Variants in TRAPPC3 observed in about 807,000 individuals in gnomAD.
The protein encoded by TRAPPC3 is trafficking protein particle complex 3.
TRAPPC3 carries 5 observed loss-of-function variants against 18.2 expected under a neutral mutation model. That is an observed-to-expected ratio of 0.28 (90% CI 0.14 to 0.58). The LOEUF is 0.58. Ranked by LOEUF, TRAPPC3 falls within the 20% of genes least tolerant of loss-of-function variation. TRAPPC3 has a pLI of 0.91. For synonymous variants in TRAPPC3, 65 were observed against 84.2 expected (o/e 0.77, Z 1.25); for missense variants, 176 against 225.9 (o/e 0.78, Z 1.41).
chr1:36,143,815 T>A (rs553338357), intron 1 of TRAPPC3, among the ~76,000 whole-genome samples: 152 of 152,360 alleles, frequency 1.0e-3, no homozygotes, highest in African/African-American at 3.6e-3. Context: ...CACTGCTTAA[T>A]CTTCCTGAAC....
At position 36,143,272 on chromosome 1, in the gene TRAPPC3, A is replaced by C. The variant is rs144214036; in HGVS notation, c.43-3106T>G. 2.0e-4 allele frequency among the ~76,000 whole-genome samples: 31 copies of C among 152,246 alleles called. No individual in the cohort carries two copies. The East Asian group carries it at 3.3e-3, about 16-fold the overall frequency. ...GTGTGTTGGGGGGGTGGTTAATTTT[A>C]ATCGAATAATCAGGGAAGGCCTCAC... On this transcript the variant is annotated intron_variant, in intron 1 of 4. Transcript: ENST00000373166.
intron 1 of TRAPPC3, among the ~76,000 whole-genome samples, chr1:36,145,149 G>A (rs555051741): frequency 1.3e-3 from 200 of 151,974 alleles, no homozygotes; most frequent in African/African-American, 4.5e-3. Flanking sequence ...GGCCTCCCGA[G>A]TAGCTGGGAC....
intron 3 of TRAPPC3, among the ~76,000 whole-genome samples, chr1:36,138,933 G>C (rs1471345121): frequency 6.6e-6 from 1 of 151,398 alleles, no homozygotes; most frequent in Admixed American, 6.6e-5. Context: ...CTACTCGGGA[G>C]GCTGAGGCAG....
intron 1 of TRAPPC3, chr1:36,149,060 G>C: frequency 2.3e-6 from 3 of 1,281,966 alleles, no homozygotes; most frequent in South Asian, 1.6e-5. Flanking sequence ...TAGTAAGAGA[G>C]AAGTTAAGTG....
chr1:36,152,675 G>A (rs1398890882), upstream of TRAPPC3, among the ~76,000 whole-genome samples: 1 of 150,932 alleles, frequency 6.6e-6, no homozygotes, highest in Non-Finnish European at 1.5e-5. Context: ...TCTTTTTTTA[G>A]ACAGGGTCTC....
chr1:36,145,237 G>A (rs1644176134), intron 1 of TRAPPC3, among the ~76,000 whole-genome samples: 1 of 151,448 alleles, frequency 6.6e-6, no homozygotes, highest in African/African-American at 2.4e-5. Flanking sequence ...CACCGTGTTA[G>A]CCAGGATGGT....
chr1:36,146,849 A>G (rs1570100981), intron 1 of TRAPPC3, among the ~76,000 whole-genome samples: 2 of 152,342 alleles, frequency 1.3e-5, no homozygotes, highest in African/African-American at 4.8e-5. Context: ...TGCATCTCCC[A>G]CAGCATCTAG....
intron 1 of TRAPPC3, among the ~76,000 whole-genome samples, chr1:36,155,323 G>A (rs1426896482): frequency 1.3e-5 from 2 of 152,212 alleles, no homozygotes; most frequent in Admixed American, 1.3e-4. Context: ...CCAACAAGGG[G>A]GCTGGGAGTC....
At chr1:36,149,597 T>C (rs769894694), upstream of TRAPPC3, 14 of 612,926 alleles carry the variant, frequency 2.3e-5, no homozygotes, top group Non-Finnish European at 3.5e-5. Context: ...AACAGCCCCT[T>C]TGGCAGCACC....
At chr1:36,153,632 A>T (rs952182301), upstream of TRAPPC3, among the ~76,000 whole-genome samples, 1 of 152,210 alleles carries the variant, frequency 6.6e-6, no homozygotes, top group Non-Finnish European at 1.5e-5. Context: ...GTAGGATGGT[A>T]AACAGCATCC....
intron 1 of TRAPPC3, among the ~76,000 whole-genome samples, chr1:36,144,003 T>C (rs1235790980): frequency 1.3e-5 from 2 of 152,112 alleles, no homozygotes; most frequent in African/African-American, 4.8e-5. Flanking sequence ...TGGTGCTAGA[T>C]CACACCCTGA....
intron 1 of TRAPPC3, among the ~76,000 whole-genome samples, chr1:36,154,674 G>A (rs908886475): frequency 1.3e-5 from 2 of 152,106 alleles, no homozygotes; most frequent in Non-Finnish European, 2.9e-5. Flanking sequence ...CTTGTTTACT[G>A]AGCACTTCCT....
At chr1:36,144,394 C>T (rs941149970) in intron 1 of TRAPPC3, among the ~76,000 whole-genome samples, 1 of 151,652 alleles carries the variant, frequency 6.6e-6, no homozygotes, top group Non-Finnish European at 1.5e-5. Context: ...CCTATAATCC[C>T]AGCACTTTGG....
At chr1:36,154,003 G>GGCTGTTTGTTTGTTTT, upstream of TRAPPC3, among the ~76,000 whole-genome samples, 1 of 152,060 alleles carries the variant, frequency 6.6e-6, no homozygotes, top group Non-Finnish European at 1.5e-5. Context: ...TTGTTTGTTT[G>GGCTGTTTGTTTGTTTT]GCTGTTTGTT....
At position 36,138,026 on chromosome 1, in the gene TRAPPC3, G is replaced by A. The variant is rs374539096; in HGVS notation, c.241-48C>T. The A allele has an allele frequency of 7.1e-5, 114 of 1,610,370 alleles. 1 individual carries two copies. In the African/African-American group the frequency reaches 1.3e-3, roughly 18 times the overall value. ...ACTTTGGGGAAGAGCAGCAGGAACT[G>A]TACCACAGGGAAGGTGACAGAACTG... On this transcript the variant is annotated intron_variant, in intron 3 of 4. Coordinates refer to ENST00000373166, the MANE Select transcript of TRAPPC3 (RefSeq NM_014408.5).
At chr1:36,150,879 CA>C (rs2124179411), upstream of TRAPPC3, among the ~76,000 whole-genome samples, 1 of 152,340 alleles carries the variant, frequency 6.6e-6, no homozygotes, top group South Asian at 2.1e-4. Context: ...ATTCCCAGGA[CA>C]GAGGACAGCT....
At chr1:36,149,531 A>C, upstream of TRAPPC3, 4 of 976,916 alleles carry the variant, frequency 4.1e-6, no homozygotes, top group Non-Finnish European at 6.1e-6. Context: ...CCACGGGACT[A>C]GTGGTCCGGC....
rs116573537 is a variant in TRAPPC3, at chr1:36,141,489, T to A, written c.43-1323A>T. ...TGAGGACCCAATGCTCCTCACGCCATCCCCATGGCCTGATGATGGGGGCAC... is the reference window on the plus strand; with the variant it reads ...TGAGGACCCAATGCTCCTCACGCCAACCCCATGGCCTGATGATGGGGGCAC... On this transcript the variant is annotated intron_variant, in intron 1 of 4. Coordinates refer to ENST00000373166, the MANE Select transcript of TRAPPC3 (RefSeq NM_014408.5). Among the ~76,000 whole-genome samples, 731 of 152,320 alleles carry A rather than the reference T, an allele frequency of 4.8e-3. 2 individuals are homozygous for A. The highest frequency in any genetic ancestry group is 0.017 in the African/African-American group (697 of 41,570).
intron 1 of TRAPPC3, among the ~76,000 whole-genome samples, chr1:36,142,906 C>T (rs1187880207): frequency 2.0e-5 from 3 of 152,082 alleles, no homozygotes; most frequent in African/African-American, 7.2e-5. Flanking sequence ...GTGGTGGATG[C>T]CTATAGTCCC....
Sources: allele counts gnomAD v4.1 joint callset (sites outside exome capture counted in the v4.1 genomes callset), GRCh38; gene constraint gnomAD v4.1.1; transcripts MANE v1.5; gene names NCBI Gene and HGNC (gene_info 2026-07-23, HGNC 2026-07-21).